The following CAND1 variants were observed in gnomAD, a reference collection of about 807,000 sequenced individuals.
The protein encoded by CAND1 is cullin associated and neddylation dissociated 1, also known as cullin-associated NEDD8-dissociated protein 1.
A neutral mutation model predicts 108.5 loss-of-function variants in CAND1; 7 were observed. The observed-to-expected ratio is 0.06, with a 90% CI of 0.04 to 0.12. The LOEUF (loss-of-function observed/expected upper bound fraction) is 0.12. CAND1 is among the 10% of genes least tolerant of loss of function. The pLI is 1.00. For synonymous variants in CAND1, 534 were observed against 512.0 expected (o/e 1.04, Z -0.58); for missense variants, 941 against 1,448.7 (o/e 0.65, Z 5.69).
intron 1 of CAND1, among the ~76,000 whole-genome samples, chr12:67,271,807 T>C (rs752494950): frequency 4.6e-5 from 7 of 152,246 alleles, no homozygotes; most frequent in Non-Finnish European, 1.0e-4. Context: ...TAATTTGGCA[T>C]CATTAAGATA....
At chr12:67,294,995 C>T in intron 3 of CAND1, 38 bp from the exon 4 acceptor site, 1 of 1,594,304 alleles carries the variant, frequency 6.3e-7, no homozygotes, top group Non-Finnish European at 8.6e-7. Flanking sequence ...ATTCAACATG[C>T]TTGCCTTGAA....
rs1488745278 is a variant in CAND1, at chr12:67,288,109, T to A, written c.213-4513T>A. 9.9e-5 allele frequency among the ~76,000 whole-genome samples: 15 copies of A among 151,796 alleles called. No homozygotes were observed. In the South Asian group the frequency reaches 3.1e-3, roughly 32 times the overall value. ...ATAAGTGTCAGGTCAAGGTATTTGA[T>A]AGTGTTCAGATTTATATCTTTTCTG... On this transcript the variant is annotated intron_variant, in intron 2 of 14. Transcript: ENST00000545606.
At chr12:67,301,321 G>C (rs1386997173) in intron 7 of CAND1, among the ~76,000 whole-genome samples, 1 of 152,038 alleles carries the variant, frequency 6.6e-6, no homozygotes, top group Admixed American at 6.6e-5. Flanking sequence ...ACATTTGACT[G>C]TCAAACTAAG....
Position 67,319,771 on chromosome 12 carries a change from T to A in CAND1, c.*6941T>A, listed in dbSNP as rs1327488209. On this transcript the variant is annotated 3_prime_UTR_variant, in exon 15 of 15. Coordinates refer to ENST00000545606, the MANE Select transcript of CAND1 (RefSeq NM_018448.5). ...CTGGACTAAAAGTAACCCCTCCTTG[T>A]CTGGTTTGTGACTTTCTGTACTCTG... 6.6e-6 allele frequency: 1 copy of A among 152,210 alleles called. No individual in the cohort carries two copies. Among genetic ancestry groups the A allele is most frequent in the African/African-American group, 2.4e-5 (1 of 41,456 alleles). The allele number at this position is 152,210 out of a possible 1,614,324, so 9.4% of individuals were successfully genotyped here.
intron 7 of CAND1, among the ~76,000 whole-genome samples, chr12:67,302,086 G>GT (rs2044830635): frequency 6.6e-6 from 1 of 152,084 alleles, no homozygotes; most frequent in African/African-American, 2.4e-5. Flanking sequence ...ATGAGAAAAT[G>GT]TTTAACTAAT....
chr12:67,272,199 CAA>C (rs1245740537), intron 1 of CAND1, among the ~76,000 whole-genome samples: 2 of 152,188 alleles, frequency 1.3e-5, no homozygotes, highest in Non-Finnish European at 2.9e-5. Flanking sequence ...AGAGAAGAAA[CAA>C]ATGCTGCCAA....
intron 1 of CAND1, among the ~76,000 whole-genome samples, chr12:67,277,771 A>G (rs1592603389): frequency 6.6e-6 from 1 of 152,304 alleles, no homozygotes; most frequent in Admixed American, 6.5e-5. Flanking sequence ...ATTTGCAAAT[A>G]TGGAACCTGG....
chr12:67,295,460 G>A (rs2044760676), intron 4 of CAND1, among the ~76,000 whole-genome samples: 1 of 152,042 alleles, frequency 6.6e-6, no homozygotes, highest in South Asian at 2.1e-4. Context: ...TGCATTCAGT[G>A]GTGTATTTAG....
chr12:67,272,027 A>C (rs985579239), intron 1 of CAND1, among the ~76,000 whole-genome samples: 1 of 152,224 alleles, frequency 6.6e-6, no homozygotes, highest in Non-Finnish European at 1.5e-5. Context: ...TTTTTAAAAA[A>C]ATGATGCCTT....
rs772757462 is a variant in CAND1 at position 67,305,301 on chromosome 12, C to G, written c.1633C>G (p.Gln545Glu). 1 of 1,614,162 alleles carries G rather than the reference C, an allele frequency of 6.2e-7. No homozygotes were observed. The change falls in exon 10 of 15, where the codon CAG becomes GAG. Residue 545 changes from glutamine (Q) to glutamate (E), a missense_variant. Physicochemically the swap from Gln to Glu is conservative, Grantham distance 29. This residue lies in a region of CAND1 where 697 missense variants were observed against 942.0 expected (regional missense o/e 0.74). Transcript: ENST00000545606. This position sits in a 1 kb window ranked among gnomAD's most constrained non-coding sequence, Gnocchi z 4.4. ...ITSEALLVTQ[Q>E]LVKVIRPLDQ... ...ATCTGAAGCACTTCTTGTTACTCAA[C>G]AGCTTGTCAAAGTAATTCGTCCTTT...
chr12:67,289,818 C>T (rs1241841601), intron 2 of CAND1, among the ~76,000 whole-genome samples: 1 of 151,950 alleles, frequency 6.6e-6, no homozygotes, highest in Admixed American at 6.6e-5. Flanking sequence ...CTATATTTAA[C>T]CTTTCAGTTT....
At chr12:67,286,926 A>G (rs894010639) in intron 2 of CAND1, among the ~76,000 whole-genome samples, 1 of 152,156 alleles carries the variant, frequency 6.6e-6, no homozygotes, top group African/African-American at 2.4e-5. Context: ...TCCCTTCTGA[A>G]TTACTTTGGC....
rs574156206 is a variant in CAND1, at chr12:67,316,606, A to G, written c.*3776A>G. 1.3e-5 allele frequency: 2 copies of G among 152,172 alleles called. No individual in the cohort carries two copies. The highest frequency in any genetic ancestry group is 2.9e-5 in the Non-Finnish European group (2 of 68,024). 9.4% of individuals were successfully genotyped at this position (152,172 alleles called of 1,614,324 possible). On this transcript the variant is annotated 3_prime_UTR_variant, in exon 15 of 15. Transcript: ENST00000545606. Reference sequence around the variant, plus strand: ...CCAGTGTGTCAGGTTTCAGAATGATATTTAGTAGACAGAAATACCTAATTT... The same window carrying G: ...CCAGTGTGTCAGGTTTCAGAATGATGTTTAGTAGACAGAAATACCTAATTT...
Position 67,318,054 on chromosome 12 carries a change from C to G in CAND1, c.*5224C>G, listed in dbSNP as rs142627681. On this transcript the variant is annotated 3_prime_UTR_variant, in exon 15 of 15. Transcript: ENST00000545606. ...CTGGGAGGCCAAGGCAGGTGGATTG[C>G]TTGAGGTCAAGAGTTCGAGACCAGT... The G allele has an allele frequency of 6.6e-6, 1 of 152,398 alleles. No individual in the cohort carries two copies. The highest frequency in any genetic ancestry group is 2.4e-5 in the African/African-American group (1 of 41,580). 9.4% of individuals were successfully genotyped at this position (152,398 alleles called of 1,614,324 possible). A position where few individuals can be genotyped will look rare whatever the true frequency, so the allele number is the denominator to read the frequency against.
In CAND1 at chr12:67,314,968, T is replaced by G. The variant is rs981231160; in HGVS notation, c.*2138T>G. ...TGGTGATGTGGTCCAGATACTGGAATGGAAGTGGCAGGATGTGGAGTCCAG... is the reference window on the plus strand; with the variant it reads ...TGGTGATGTGGTCCAGATACTGGAAGGGAAGTGGCAGGATGTGGAGTCCAG... On this transcript the variant is annotated 3_prime_UTR_variant, in exon 15 of 15. Coordinates refer to ENST00000545606, the MANE Select transcript of CAND1 (RefSeq NM_018448.5). 3.3e-5 allele frequency: 5 copies of G among 152,224 alleles called. No individual in the cohort carries two copies. Among genetic ancestry groups the G allele is most frequent in the African/African-American group, 4.8e-5 (2 of 41,456 alleles). The allele number at this position is 152,224 out of a possible 1,614,324, so 9.4% of individuals were successfully genotyped here.
intron 2 of CAND1, 177 bp downstream of exon 2, chr12:67,282,230 C>T (rs1394011191): frequency 3.6e-6 from 2 of 549,830 alleles, no homozygotes; most frequent in South Asian, 2.5e-5. Context: ...AGTGTATTTC[C>T]TTACAGCATA....
rs371435615 is a variant in CAND1 at position 67,279,174 on chromosome 12, C to T, written c.69-2736C>T. ...GAGGTGCTCTGTCCTTCCCCACCAC[C>T]AAAAAAAAAAAAAAAAGTAATTTAA... On this transcript the variant is annotated intron_variant, in intron 1 of 14. Transcript: ENST00000545606. Among the ~76,000 whole-genome samples the T allele has an allele frequency of 2.1e-5, 3 of 140,076 alleles. No individual in the cohort carries two copies. In the South Asian group the frequency reaches 6.9e-4, roughly 32 times the overall value. 91.9% of individuals were successfully genotyped at this position (140,076 alleles called of 152,430 possible). A position where few individuals can be genotyped will look rare whatever the true frequency, so the allele number is the denominator to read the frequency against.
Position 67,282,121 on chromosome 12 carries a change from A to G in CAND1, c.212+68A>G, listed in dbSNP as rs1011883792. On this transcript the variant is annotated intron_variant, in intron 2 of 14. Coordinates refer to ENST00000545606, the MANE Select transcript of CAND1 (RefSeq NM_018448.5). ...CAACCCTGTTTTTAAAAACTCTATG[A>G]TAAGTAGTAAATTATCTTAGCCTTG... 7.7e-5 allele frequency: 114 copies of G among 1,486,948 alleles called. 1 individual carries two copies. The highest frequency in any genetic ancestry group is 5.4e-4 in the South Asian group (46 of 84,636). The allele number at this position is 1,486,948 out of a possible 1,614,324, so 92.1% of individuals were successfully genotyped here.
At chr12:67,283,679 TAAAC>T (rs2044641581) in intron 2 of CAND1, among the ~76,000 whole-genome samples, 1 of 152,120 alleles carries the variant, frequency 6.6e-6, no homozygotes, top group African/African-American at 2.4e-5. Context: ...ATGTGCCTAA[TAAAC>T]AAAATTAAAC....
Sources: gnomAD v4.1 joint callset for allele counts (sites outside exome capture counted in the v4.1 genomes callset) on GRCh38, gnomAD v4.1.1 for gene constraint, gnomAD v4.1.1 regional missense constraint, Gnocchi (gnomAD v3.1) non-coding constraint, MANE v1.5 for transcripts, NCBI Gene and HGNC (gene_info 2026-07-23, HGNC 2026-07-21) for gene names.